MSL2: variants seen among roughly 807,000 people sequenced by gnomAD.
The protein encoded by MSL2 is MSL complex subunit 2, also known as E3 ubiquitin-protein ligase MSL2.
In MSL2, 2 loss-of-function variants were observed where a neutral mutation model predicts 35.8. The observed-to-expected ratio is 0.06, with a 90% CI of 0.02 to 0.18. The LOEUF (loss-of-function observed/expected upper bound fraction) is 0.18. MSL2 is among the 10% of genes least tolerant of loss of function. The probability of loss-of-function intolerance (pLI) is 1.00; values close to 1 mark genes in which losing one functional copy is unlikely to be tolerated. For synonymous variants in MSL2, 296 were observed against 255.7 expected (o/e 1.16, Z -1.50); for missense variants, 523 against 706.7 (o/e 0.74, Z 2.95).
At chr3:136,177,680 TAA>T (rs397738424) in intron 1 of MSL2, among the ~76,000 whole-genome samples, 12 of 78,464 alleles carry the variant, frequency 1.5e-4, no homozygotes, top group East Asian at 3.2e-4. Flanking sequence ...CTCCGTCTCA[TAA>T]AAAAAAAAAA....
chr3:136,178,378 T>G (rs766883626), intron 1 of MSL2, among the ~76,000 whole-genome samples: 1 of 152,154 alleles, frequency 6.6e-6, no homozygotes, highest in Admixed American at 6.6e-5. Flanking sequence ...CCAACATAAA[T>G]TAAGATCCAA....
At chr3:136,179,410 T>C (rs1184321322) in intron 1 of MSL2, among the ~76,000 whole-genome samples, 1 of 152,172 alleles carries the variant, frequency 6.6e-6, no homozygotes, top group African/African-American at 2.4e-5. Context: ...CTTGAACTCC[T>C]GGGCTCAAGC....
intron 1 of MSL2, among the ~76,000 whole-genome samples, chr3:136,176,977 G>A (rs1940197350): frequency 6.6e-6 from 1 of 152,198 alleles, no homozygotes; most frequent in Non-Finnish European, 1.5e-5. Flanking sequence ...TGAGACCAGA[G>A]AACTCTCCTA....
At chr3:136,193,999 CCTTT>C (rs1576381327) in intron 1 of MSL2, among the ~76,000 whole-genome samples, 1 of 152,180 alleles carries the variant, frequency 6.6e-6, no homozygotes, top group African/African-American at 2.4e-5. Flanking sequence ...TACTCTTCTT[CCTTT>C]ATCTACTTTT....
rs1309266403 is a variant in MSL2, at chr3:136,156,037, T to TCTGCC, written c.143-3304_143-3300dup. On this transcript the variant is annotated intron_variant, in intron 1 of 1. Transcript: ENST00000309993. ...TATAGTACCAACTACTTCTTACCTC[T>TCTGCC]CTGCCCTGCCCTCCCCCAAAAAACT... 15 of 286,504 alleles carry TCTGCC rather than the reference T, an allele frequency of 5.2e-5. No homozygotes were observed. The Admixed American group carries it at 6.2e-4, about 12-fold the overall frequency. The allele number at this position is 286,504 out of a possible 1,614,324, so 17.7% of individuals were successfully genotyped here.
At chr3:136,194,368 T>C in intron 1 of MSL2, 2 of 977,770 alleles carry the variant, frequency 2.0e-6, no homozygotes, top group Non-Finnish European at 2.4e-6. Context: ...AACCACAAAA[T>C]GAAAAAGTGG....
At position 136,152,539 on chromosome 3, in the gene MSL2, T is replaced by G. The variant is rs769782282; in HGVS notation, c.342A>C (p.Thr114=). The change falls in exon 2 of 2, where the codon ACA becomes ACC. Residue 114 remains threonine (T), a synonymous_variant. Transcript: ENST00000309993. The part of the protein sequence containing the change: ...KKLCEYITQT[T]LARDIIEAVD... Reference sequence around the variant, plus strand: ...CTGCTTCTATTATATCCCGTGCCAGTGTAGTCTGTGTTATATACTCGCATA... The same window carrying G: ...CTGCTTCTATTATATCCCGTGCCAGGGTAGTCTGTGTTATATACTCGCATA... The G allele has an allele frequency of 5.6e-6, 9 of 1,614,238 alleles. No homozygotes were observed. Among genetic ancestry groups the G allele is most frequent in the Non-Finnish European group, 6.8e-6 (8 of 1,180,030 alleles).
chr3:136,190,490 A>T (rs1009662556), intron 1 of MSL2, among the ~76,000 whole-genome samples: 4 of 151,960 alleles, frequency 2.6e-5, no homozygotes, highest in Admixed American at 2.0e-4. Flanking sequence ...GGCTGCAGTG[A>T]ACTATGACTG....
intron 1 of MSL2, among the ~76,000 whole-genome samples, chr3:136,183,645 C>CAG (rs1940430017): frequency 6.6e-6 from 1 of 152,054 alleles, no homozygotes; most frequent in South Asian, 2.1e-4. Context: ...CTAGAAAAAT[C>CAG]AAAGTTATTA....
chr3:136,184,374 G>T (rs1342760541), intron 1 of MSL2, among the ~76,000 whole-genome samples: 1 of 151,930 alleles, frequency 6.6e-6, no homozygotes, highest in Admixed American at 6.6e-5. Context: ...GCCAAGGCAG[G>T]CAGATCACCT....
In MSL2 at chr3:136,151,875, C is replaced by T; in HGVS notation, c.1006G>A (p.Ala336Thr). Reference sequence around the variant, plus strand: ...CTGGATCGTTTTCTATTCAATTTTGCTATCTTCGGAGTTGCTGCTGTACAT... The same window carrying T: ...CTGGATCGTTTTCTATTCAATTTTGTTATCTTCGGAGTTGCTGCTGTACAT... Reference protein sequence around the residue: ...LSCTAATPKIAKLNRKRSRSE... With the variant: ...LSCTAATPKITKLNRKRSRSE... The change falls in exon 2 of 2, where the codon GCA becomes ACA. Residue 336 changes from alanine (A) to threonine (T), a missense_variant. Transcript: ENST00000309993. This position sits in a 1 kb window ranked among gnomAD's most constrained non-coding sequence, Gnocchi z 5.2. 1 of 1,614,142 alleles carries T rather than the reference C, an allele frequency of 6.2e-7. No individual in the cohort carries two copies. Among genetic ancestry groups the T allele is most frequent in the South Asian group, 1.1e-5 (1 of 91,082 alleles).
chr3:136,159,560 C>T (rs189448565), intron 1 of MSL2, among the ~76,000 whole-genome samples: 2 of 148,406 alleles, frequency 1.3e-5, no homozygotes, highest in East Asian at 2.0e-4. Context: ...TTAGTAGAGA[C>T]GAGGTTTCAC....
intron 1 of MSL2, among the ~76,000 whole-genome samples, chr3:136,184,888 T>C (rs1940473734): frequency 6.6e-6 from 1 of 152,144 alleles, no homozygotes; most frequent in African/African-American, 2.4e-5. Flanking sequence ...AATTCAATGC[T>C]TCCACTGTTG....
At chr3:136,171,863 G>A (rs1940035216) in intron 1 of MSL2, among the ~76,000 whole-genome samples, 1 of 152,164 alleles carries the variant, frequency 6.6e-6, no homozygotes, top group Admixed American at 6.5e-5. Flanking sequence ...ATGTATGTGA[G>A]AGTTTTATTC....
intron 1 of MSL2, among the ~76,000 whole-genome samples, chr3:136,193,427 A>C (rs1158465842): frequency 6.6e-6 from 1 of 152,172 alleles, no homozygotes; most frequent in Non-Finnish European, 1.5e-5. Flanking sequence ...ATGCTGTTTC[A>C]GCAGGACAGA....
chr3:136,178,359 A>G (rs1322954963), intron 1 of MSL2, among the ~76,000 whole-genome samples: 1 of 152,196 alleles, frequency 6.6e-6, no homozygotes, highest in Non-Finnish European at 1.5e-5. Flanking sequence ...ACAAACATTA[A>G]TCAATAAACC....
At chr3:136,181,920 A>AT (rs1416256374) in intron 1 of MSL2, among the ~76,000 whole-genome samples, 1 of 89,798 alleles carries the variant, frequency 1.1e-5, no homozygotes, top group African/African-American at 3.8e-5. Context: ...CTCTGTCTCA[A>AT]AAAATAAATA....
At chr3:136,173,358 A>G (rs996019990) in intron 1 of MSL2, among the ~76,000 whole-genome samples, 16 of 152,214 alleles carry the variant, frequency 1.1e-4, no homozygotes, top group Admixed American at 2.6e-4. Context: ...TTGCCAACCC[A>G]CAGGTAATTC....
chr3:136,194,719 CA>C (rs1482474999), intron 1 of MSL2, among the ~76,000 whole-genome samples: 2 of 151,612 alleles, frequency 1.3e-5, no homozygotes, highest in African/African-American at 4.9e-5. Flanking sequence ...CCACCACCAC[CA>C]GATGAACCGA....
Sources: allele counts gnomAD v4.1 joint callset (sites outside exome capture counted in the v4.1 genomes callset), GRCh38; gene constraint gnomAD v4.1.1; non-coding constraint Gnocchi (gnomAD v3.1); transcripts MANE v1.5; gene names NCBI Gene and HGNC (gene_info 2026-07-23, HGNC 2026-07-21).